Variants in YY1 observed in about 807,000 individuals in gnomAD.
YY1 encodes the protein transcriptional repressor protein YY1.
Under a neutral mutation model 35.6 loss-of-function variants are expected in YY1, and 2 were observed. The observed-to-expected ratio is 0.06, with a 90% CI of 0.02 to 0.18. The LOEUF is 0.18. YY1 is among the 10% of genes least tolerant of loss of function. The pLI, the probability that YY1 is intolerant of heterozygous loss-of-function variation, is 1.00. For missense variants in YY1, 322 were observed against 573.4 expected (o/e 0.56, Z 4.48); for synonymous variants, 268 against 238.9 (o/e 1.12, Z -1.12).
In YY1 at chr14:100,239,216, C is replaced by T. The variant is rs564378539; in HGVS notation, c.-29C>T. ...GCCCGCAGCCGAGGAGCCGAGGCCG[C>T]CGCGGCCGTGGCGGCGGAGCCCTCA... On this transcript the variant is annotated 5_prime_UTR_variant, in exon 1 of 5. Transcript: ENST00000262238. 10 of 1,462,480 alleles carry T rather than the reference C, an allele frequency of 6.8e-6. No homozygotes were observed. The South Asian group carries it at 7.9e-5, about 12-fold the overall frequency. The allele number at this position is 1,462,480 out of a possible 1,614,324, so 90.6% of individuals were successfully genotyped here. A position where few individuals can be genotyped will look rare whatever the true frequency, so the allele number is the denominator to read the frequency against.
chr14:100,246,759 ACCCT>A (rs926327100), intron 1 of YY1, among the ~76,000 whole-genome samples: 1 of 151,944 alleles, frequency 6.6e-6, no homozygotes, highest in Non-Finnish European at 1.5e-5. Flanking sequence ...GGTTTTTCAC[ACCCT>A]CCCTCCCCAG....
chr14:100,277,008 T>A lies in YY1; in HGVS notation c.1062+360T>A, dbSNP rs542621602. On this transcript the variant is annotated intron_variant, in intron 4 of 4. Transcript: ENST00000262238. This position sits in a 1 kb window ranked among gnomAD's most constrained non-coding sequence, Gnocchi z 5.6. Reference sequence around the variant, plus strand: ...AGTATAATTACTAACTGATAAAGTTTCTAGAGTGTAAGTATAGGTAATACT... The same window carrying A: ...AGTATAATTACTAACTGATAAAGTTACTAGAGTGTAAGTATAGGTAATACT... 83 of 409,208 alleles carry A rather than the reference T, an allele frequency of 2.0e-4. 1 individual carries two copies. The South Asian group carries it at 2.1e-3, about 10-fold the overall frequency. The allele number at this position is 409,208 out of a possible 1,614,324, so 25.3% of individuals were successfully genotyped here.
rs775439859 is a variant in YY1 at position 100,281,060 on chromosome 14, C to CAAAAAAAAA, written c.*3460_*3461insAAAAAAAAA. 146 of 47,776 alleles carry CAAAAAAAAA rather than the reference C, an allele frequency of 3.1e-3. 51 individuals are homozygous for CAAAAAAAAA. The highest frequency in any genetic ancestry group is 0.011 in the African/African-American group (106 of 9,898). The allele number at this position is 47,776 out of a possible 1,614,324, so 3.0% of individuals were successfully genotyped here. ...GGGTGACAGAGCAAGACTCCGTCTCCCAAAAAAAAAAAAAAAAAAAAAAAA... is the reference window on the plus strand; with the variant it reads ...GGGTGACAGAGCAAGACTCCGTCTCCAAAAAAAAACAAAAAAAAAAAAAAAAAAAAAAAA... On this transcript the variant is annotated 3_prime_UTR_variant, in exon 5 of 5. Coordinates refer to ENST00000262238, the MANE Select transcript of YY1 (RefSeq NM_003403.5).
chr14:100,254,414 A>C (rs1296589758), intron 1 of YY1, among the ~76,000 whole-genome samples: 1 of 152,068 alleles, frequency 6.6e-6, no homozygotes, highest in Admixed American at 6.6e-5. Flanking sequence ...GTCTTTTGTC[A>C]TTTCTCTAGA....
intron 1 of YY1, among the ~76,000 whole-genome samples, chr14:100,247,383 CTT>C (rs78485580): frequency 1.3e-4 from 17 of 135,270 alleles, no homozygotes; most frequent in Admixed American, 1.5e-4. Context: ...TTCTTTTTTT[CTT>C]TTTTTTTTTT....
At chr14:100,240,250 G>C (rs1890711025) in intron 1 of YY1, among the ~76,000 whole-genome samples, 1 of 102,756 alleles carries the variant, frequency 9.7e-6, no homozygotes, top group Non-Finnish European at 2.5e-5. Context: ...CGCTCCCCGC[G>C]CCCGCATCAA....
chr14:100,249,781 TG>T (rs750337121), intron 1 of YY1, among the ~76,000 whole-genome samples: 5,389 of 149,686 alleles, frequency 0.036, 118 homozygotes, highest in Non-Finnish European at 0.045. Flanking sequence ...TTTTTGTTTT[TG>T]TTTTTTTTTG....
rs1891387161 is a variant in YY1 at position 100,279,817 on chromosome 14, A to G, written c.*2217A>G. 1 of 152,248 alleles carries G rather than the reference A, an allele frequency of 6.6e-6. No individual in the cohort carries two copies. Among genetic ancestry groups the G allele is most frequent in the Non-Finnish European group, 1.5e-5 (1 of 68,078 alleles). 9.4% of individuals were successfully genotyped at this position (152,248 alleles called of 1,614,324 possible). ...TGGCACTGTCCTCAGGACCCTGCCC[A>G]AGGGCCCACCGCAGAGCACACCTAT... On this transcript the variant is annotated 3_prime_UTR_variant, in exon 5 of 5. Coordinates refer to ENST00000262238, the MANE Select transcript of YY1 (RefSeq NM_003403.5).
chr14:100,276,381 G>C lies in YY1; in HGVS notation c.904-109G>C, dbSNP rs1261282340. The C allele has an allele frequency of 6.9e-7, 1 of 1,441,766 alleles. No homozygotes were observed. The highest frequency in any genetic ancestry group is 1.7e-5 in the Admixed American group (1 of 57,190). 89.3% of individuals were successfully genotyped at this position (1,441,766 alleles called of 1,614,324 possible). A position where few individuals can be genotyped will look rare whatever the true frequency, so the allele number is the denominator to read the frequency against. ...TAATACTAAGTAAAATTAAAATGGGGGGTTGGGGAGGTGGTTTTGTTTTAA... is the reference window on the plus strand; with the variant it reads ...TAATACTAAGTAAAATTAAAATGGGCGGTTGGGGAGGTGGTTTTGTTTTAA... On this transcript the variant is annotated intron_variant, in intron 3 of 4. Transcript: ENST00000262238. The surrounding 1 kb of genome is among the most constrained non-coding windows in gnomAD (Gnocchi z 4.1).
At chr14:100,249,100 A>ATTTTTTTTT (rs60088505) in intron 1 of YY1, among the ~76,000 whole-genome samples, 14 of 46,836 alleles carry the variant, frequency 3.0e-4, no homozygotes, top group Admixed American at 4.1e-4. Flanking sequence ...TTCTCGTGTA[A>ATTTTTTTTT]TTTTTTTTTT....
rs1595337480 is a variant in YY1, at chr14:100,280,844, A to G, written c.*3244A>G. 6.6e-6 allele frequency: 1 copy of G among 152,118 alleles called. No individual in the cohort carries two copies. Among genetic ancestry groups the G allele is most frequent in the Admixed American group, 6.5e-5 (1 of 15,270 alleles). 9.4% of individuals were successfully genotyped at this position (152,118 alleles called of 1,614,324 possible). On this transcript the variant is annotated 3_prime_UTR_variant, in exon 5 of 5. Transcript: ENST00000262238. The stretch of plus-strand genomic sequence containing the variant: ...CACGTCCGTTTGCACTCTGCCTTGC[A>G]AAACTTACTGTGGAGACGTGTCCCA...
chr14:100,253,172 C>G (rs1332258641), intron 1 of YY1, among the ~76,000 whole-genome samples: 1 of 152,124 alleles, frequency 6.6e-6, no homozygotes, highest in Non-Finnish European at 1.5e-5. Flanking sequence ...TTTTAATGAC[C>G]TATAGTGGGT....
chr14:100,248,422 T>C (rs986694054), intron 1 of YY1, among the ~76,000 whole-genome samples: 4 of 151,996 alleles, frequency 2.6e-5, no homozygotes, highest in African/African-American at 7.3e-5. Flanking sequence ...GTACCCAGCC[T>C]ACTCAATTTC....
In YY1 at chr14:100,262,155, C is replaced by T. The variant is rs574061406; in HGVS notation, c.680-149C>T. Reference sequence around the variant, plus strand: ...TCCAGCCTGGGTGACAGAGTGAGACCGTTCTCCAAAAAAAAAAAAGGGAGA... The same window carrying T: ...TCCAGCCTGGGTGACAGAGTGAGACTGTTCTCCAAAAAAAAAAAAGGGAGA... On this transcript the variant is annotated intron_variant, in intron 1 of 4. Coordinates refer to ENST00000262238, the MANE Select transcript of YY1 (RefSeq NM_003403.5). 1.7e-3 allele frequency: 1,302 copies of T among 780,702 alleles called. 3 individuals carry two copies. Among genetic ancestry groups the T allele is most frequent in the Non-Finnish European group, 2.4e-3 (1,179 of 489,506 alleles). 48.4% of individuals were successfully genotyped at this position (780,702 alleles called of 1,614,324 possible).
intron 1 of YY1, among the ~76,000 whole-genome samples, chr14:100,249,613 A>G (rs1890890650): frequency 6.6e-6 from 1 of 152,126 alleles, no homozygotes; most frequent in Non-Finnish European, 1.5e-5. Flanking sequence ...ATACCAAAAT[A>G]CTATTTTGGT....
At chr14:100,265,105 TG>T (rs1891134158) in intron 2 of YY1, among the ~76,000 whole-genome samples, 2 of 151,608 alleles carry the variant, frequency 1.3e-5, no homozygotes, top group Admixed American at 1.3e-4. Context: ...GAACCAGGCA[TG>T]GTGGCTCACG....
In YY1 at chr14:100,276,790, G is replaced by A. The variant is rs1891325602; in HGVS notation, c.1062+142G>A. On this transcript the variant is annotated intron_variant, in intron 4 of 4. Coordinates refer to ENST00000262238, the MANE Select transcript of YY1 (RefSeq NM_003403.5). This position sits in a 1 kb window ranked among gnomAD's most constrained non-coding sequence, Gnocchi z 4.1. ...CTTGGTGAGAAACAAAACTTCTCCT[G>A]GGGAGTCGCTTAGAAGGGTTGCCGG... 76 of 1,290,122 alleles carry A rather than the reference G, an allele frequency of 5.9e-5. No individual in the cohort carries two copies. The South Asian group carries it at 8.9e-4, about 15-fold the overall frequency. The allele number at this position is 1,290,122 out of a possible 1,614,324, so 79.9% of individuals were successfully genotyped here.
At position 100,239,709 on chromosome 14, in the gene YY1, G is replaced by T; in HGVS notation, c.465G>T (p.Ala155=). Residue 155 remains alanine, a synonymous_variant, in exon 1 of 5, where the codon GCG becomes GCT. Coordinates refer to ENST00000262238, the MANE Select transcript of YY1 (RefSeq NM_003403.5). ...AACAAACGCTGGTCACCGTGGCGGC[G>T]GCCGGCAAGAGCGGCGGCGGCGGCT... is the stretch of plus-strand genomic sequence containing the variant. ...YIEQTLVTVA[A]AGKSGGGGSS... is the part of the protein sequence containing the mutation. 6.2e-7 allele frequency: 1 copy of T among 1,600,554 alleles called. No homozygotes were observed.
Position 100,277,208 on chromosome 14 carries a change from T to A in YY1, c.1063-210T>A. ...AAGACTTGCCATTTTGCCAAGTGTT[T>A]TAAACAGTTCGTGAGGGCTCTCCTT... is the stretch of plus-strand genomic sequence containing the variant. On this transcript the variant is annotated intron_variant, in intron 4 of 4. Coordinates refer to ENST00000262238, the MANE Select transcript of YY1 (RefSeq NM_003403.5). The surrounding 1 kb of genome is among the most constrained non-coding windows in gnomAD (Gnocchi z 5.6). 1 of 634,722 alleles carries A rather than the reference T, an allele frequency of 1.6e-6. No individual in the cohort carries two copies. The highest frequency in any genetic ancestry group is 1.8e-5 in the African/African-American group (1 of 54,944). The allele number at this position is 634,722 out of a possible 1,614,324, so 39.3% of individuals were successfully genotyped here. A position where few individuals can be genotyped will look rare whatever the true frequency, so the allele number is the denominator to read the frequency against.
Sources: allele counts gnomAD v4.1 joint callset (sites outside exome capture counted in the v4.1 genomes callset), GRCh38; gene constraint gnomAD v4.1.1; non-coding constraint Gnocchi (gnomAD v3.1); transcripts MANE v1.5; gene names NCBI Gene and HGNC (gene_info 2026-07-23, HGNC 2026-07-21).